Variants in PRKDC observed in about 807,000 individuals in gnomAD.
The protein encoded by PRKDC is DNA-dependent protein kinase catalytic subunit.
In PRKDC, 82 loss-of-function variants were observed where a neutral mutation model predicts 486.9. The observed-to-expected ratio is 0.17, with a 90% CI of 0.14 to 0.20. PRKDC has a LOEUF of 0.20. PRKDC is among the 10% of genes least tolerant of loss of function. PRKDC has a pLI of 1.00. For missense variants in PRKDC, 4,504 were observed against 5,038.2 expected (o/e 0.89, Z 3.21); for synonymous variants, 1,895 against 1,837.0 (o/e 1.03, Z -0.81).
chr8:47,796,724 C>T (rs553127248), intron 73 of PRKDC, among the ~76,000 whole-genome samples: 18 of 151,998 alleles, frequency 1.2e-4, no homozygotes, highest in Non-Finnish European at 2.5e-4. Flanking sequence ...CTCAGCCTCC[C>T]GAGTAGCTGG....
At chr8:47,920,251 C>A (rs532924096) in intron 21 of PRKDC, among the ~76,000 whole-genome samples, 1 of 152,180 alleles carries the variant, frequency 6.6e-6, no homozygotes, top group Non-Finnish European at 1.5e-5. Flanking sequence ...GTCTTTAATT[C>A]CTCTAGCGCT....
chr8:47,883,224 T>C (rs931912357), intron 36 of PRKDC, among the ~76,000 whole-genome samples: 14 of 152,232 alleles, frequency 9.2e-5, no homozygotes, highest in African/African-American at 2.7e-4. Context: ...TTATGAACTA[T>C]GGAAGAAATC....
chr8:47,815,463 T>C (rs1023055902), intron 68 of PRKDC, among the ~76,000 whole-genome samples: 1 of 152,170 alleles, frequency 6.6e-6, no homozygotes, highest in Non-Finnish European at 1.5e-5. Context: ...CCTAAAACCA[T>C]AACATTTCTA....
intron 7 of PRKDC, among the ~76,000 whole-genome samples, chr8:47,952,634 T>C (rs190526943): frequency 9.2e-5 from 14 of 152,020 alleles, no homozygotes; most frequent in Non-Finnish European, 1.3e-4. Context: ...GGTGGACAGA[T>C]TACTTGAGCC....
intron 7 of PRKDC, among the ~76,000 whole-genome samples, chr8:47,952,292 A>G (rs1246257649): frequency 1.3e-5 from 2 of 152,256 alleles, no homozygotes; most frequent in Non-Finnish European, 2.9e-5. Flanking sequence ...CTTCAAAAAA[A>G]AAGACAATGC....
At chr8:47,807,586 T>C (rs552099923) in intron 68 of PRKDC, among the ~76,000 whole-genome samples, 2 of 149,698 alleles carry the variant, frequency 1.3e-5, no homozygotes, top group East Asian at 4.0e-4. Context: ...ACCCGGCTAA[T>C]TTTTTGTATT....
At chr8:47,783,341 C>A (rs1318957475) in intron 78 of PRKDC, among the ~76,000 whole-genome samples, 1 of 149,950 alleles carries the variant, frequency 6.7e-6, no homozygotes, top group Non-Finnish European at 1.5e-5. Flanking sequence ...GTAATCCCAG[C>A]ACTTTGCGGA....
chr8:47,955,839 T>C, intron 4 of PRKDC, 35 bp downstream of exon 4: 1 of 1,471,754 alleles, frequency 6.8e-7, no homozygotes. Context: ...GTTACATGTT[T>C]AATGTAAAAT....
intron 56 of PRKDC, 137 bp from the exon 57 acceptor site, chr8:47,837,556 T>C (rs958344044): frequency 1.4e-5 from 9 of 637,828 alleles, no homozygotes; most frequent in African/African-American, 3.7e-5. Flanking sequence ...CACCTTCAAC[T>C]ATATCAAAAA....
At chr8:47,958,936 A>G (rs958151102) in intron 1 of PRKDC, among the ~76,000 whole-genome samples, 2 of 152,134 alleles carry the variant, frequency 1.3e-5, no homozygotes, top group African/African-American at 2.4e-5. Flanking sequence ...AGGTTTCACC[A>G]TACTGGTCAG....
rs573328188 is a variant in PRKDC at position 47,951,260 on chromosome 8, G to A, written c.721+2360C>T. Among the ~76,000 whole-genome samples the A allele has an allele frequency of 5.3e-5, 8 of 151,948 alleles. No individual in the cohort carries two copies. The South Asian group carries it at 1.0e-3, about 20-fold the overall frequency. ...CTGTGGTCCCAGCTACTTGGGAGGC[G>A]GAGGTAGGAGGATCACTTGAGCCCA... On this transcript the variant is annotated intron_variant, in intron 7 of 85. Coordinates refer to ENST00000314191, the MANE Select transcript of PRKDC (RefSeq NM_006904.7).
At chr8:47,792,116 T>C (rs1221386956) in intron 74 of PRKDC, among the ~76,000 whole-genome samples, 31 of 152,004 alleles carry the variant, frequency 2.0e-4, no homozygotes, top group Admixed American at 1.9e-3. Context: ...TTCTTACTCA[T>C]TTGTGGAAGC....
At chr8:47,843,463 G>C (rs1407296516) in intron 54 of PRKDC, among the ~76,000 whole-genome samples, 1 of 152,100 alleles carries the variant, frequency 6.6e-6, no homozygotes, top group Non-Finnish European at 1.5e-5. Context: ...AGACAACTTG[G>C]AAAATATATT....
chr8:47,837,029 A>G (rs898959864), intron 57 of PRKDC, among the ~76,000 whole-genome samples, 183 bp downstream of exon 57: 1 of 152,202 alleles, frequency 6.6e-6, no homozygotes, highest in African/African-American at 2.4e-5. Flanking sequence ...AATCTAGTGG[A>G]GGCCAAGAGG....
chr8:47,863,668 TAGAC>T (rs752218692), intron 41 of PRKDC, 91 bp from the exon 42 acceptor site: 241 of 1,092,866 alleles, frequency 2.2e-4, no homozygotes, highest in Admixed American at 1.2e-3. Flanking sequence ...TAATATCCTT[TAGAC>T]AGACAGAATT....
At chr8:47,937,093 A>T (rs1324729428) in intron 11 of PRKDC, among the ~76,000 whole-genome samples, 1 of 119,854 alleles carries the variant, frequency 8.3e-6, no homozygotes, top group East Asian at 2.2e-4. Context: ...GTCTCTACTT[A>T]AAAAAAAAAA....
intron 25 of PRKDC, among the ~76,000 whole-genome samples, chr8:47,908,724 C>T (rs975521887): frequency 2.6e-5 from 4 of 152,128 alleles, no homozygotes; most frequent in Admixed American, 6.5e-5. Flanking sequence ...GTGACGTGAA[C>T]GTTCATTTTT....
At chr8:47,806,389 GCTCTGCCTGC>G (rs2087215959) in intron 69 of PRKDC, among the ~76,000 whole-genome samples, 1 of 152,058 alleles carries the variant, frequency 6.6e-6, no homozygotes, top group Non-Finnish European at 1.5e-5. Flanking sequence ...TCCAGTTCCT[GCTCTGCCTGC>G]CTCTAATTGG....
At chr8:47,887,505 C>T (rs1402343465) in intron 35 of PRKDC, 42 bp downstream of exon 35, 8 of 1,465,380 alleles carry the variant, frequency 5.5e-6, no homozygotes, top group Non-Finnish European at 5.4e-6. Context: ...ATATGTATTT[C>T]TATTATTAGG....
Sources: gnomAD v4.1 joint callset for allele counts (sites outside exome capture counted in the v4.1 genomes callset) on GRCh38, gnomAD v4.1.1 for gene constraint, MANE v1.5 for transcripts, NCBI Gene and HGNC (gene_info 2026-07-23, HGNC 2026-07-21) for gene names.